NOTCH4: variants seen among roughly 807,000 people sequenced by gnomAD.
The protein encoded by NOTCH4 is neurogenic locus notch homolog protein 4.
Under a neutral mutation model 189.0 loss-of-function variants are expected in NOTCH4, and 138 were observed. The observed-to-expected ratio is 0.73, with a 90% CI of 0.64 to 0.84. The LOEUF (loss-of-function observed/expected upper bound fraction) is 0.84. NOTCH4 is among the 40% of genes least tolerant of loss of function. The pLI is 0.00. For synonymous variants in NOTCH4, 942 were observed against 1,032.8 expected, an observed-to-expected ratio of 0.91 and a Z score of 1.69; for missense variants, 2,286 against 2,605.4, an observed-to-expected ratio of 0.88 and a Z score of 2.67.
chr6:32,196,314 C>G lies in NOTCH4; in HGVS notation c.5298+10G>C. ...GACTGTTTTGTGGGAAGCCCTCTGT[C>G]CCATCTAACCCTGTTGTCCTGGGCA... is the stretch of plus-strand genomic sequence containing the variant. On this transcript the variant is annotated intron_variant, in intron 29 of 29. Transcript: ENST00000375023. The G allele has an allele frequency of 6.2e-7, 1 of 1,613,162 alleles. No homozygotes were observed. The highest frequency in any genetic ancestry group is 8.5e-7 in the Non-Finnish European group (1 of 1,180,044).
In NOTCH4 at chr6:32,212,490, C is replaced by T; in HGVS notation, c.2664G>A (p.Lys888=). 1.9e-6 allele frequency: 3 copies of T among 1,611,844 alleles called. No homozygotes were observed. The highest frequency in any genetic ancestry group is 2.5e-6 in the Non-Finnish European group (3 of 1,179,314). The change falls in exon 17 of 30, where the codon AAG becomes AAA. Residue 888 remains lysine (K), a synonymous_variant. Coordinates refer to ENST00000375023, the MANE Select transcript of NOTCH4 (RefSeq NM_004557.4). This position sits in a 1 kb window ranked among gnomAD's most constrained non-coding sequence, Gnocchi z 4.4. ...GTTGGTTACCTTGGCTCAGTGCAGC[C>T]TTCTGGCAGGAGGACAGTGGAAGGT... The part of the protein sequence containing the change: ...LCNLPLSSCQ[K]AALSQGIDVS...
intron 28 of NOTCH4, 71 bp downstream of exon 28, chr6:32,196,854 A>G (rs557501130): frequency 6.3e-7 from 1 of 1,576,324 alleles, no homozygotes; most frequent in African/African-American, 1.3e-5. Context: ...CTGCACCTAT[A>G]TTTTGCACGC....
In NOTCH4 at chr6:32,200,410, C is replaced by T. The variant is rs1438886682; in HGVS notation, c.4315+421G>A. On this transcript the variant is annotated intron_variant, in intron 23 of 29. Coordinates refer to ENST00000375023, the MANE Select transcript of NOTCH4 (RefSeq NM_004557.4). This position sits in a 1 kb window ranked among gnomAD's most constrained non-coding sequence, Gnocchi z 5.0. ...ATTTTTAGTAGAGACAGGGTTTCAC[C>T]GCATTAGCCAGGATGGTCTCAATCT... is the stretch of plus-strand genomic sequence containing the variant. Among the ~76,000 whole-genome samples, 2 of 152,060 alleles carry T rather than the reference C, an allele frequency of 1.3e-5. No homozygotes were observed. Among genetic ancestry groups the T allele is most frequent in the African/African-American group, 2.4e-5 (1 of 41,390 alleles).
chr6:32,195,241 A>G lies in NOTCH4; in HGVS notation c.*196T>C. On this transcript the variant is annotated 3_prime_UTR_variant, in exon 30 of 30. Transcript: ENST00000375023. This position sits in a 1 kb window ranked among gnomAD's most constrained non-coding sequence, Gnocchi z 5.4. ...AGGACTGGGCCTGCCTCATCCTAGC[A>G]TCTTAAACCCTCTTTCCAGAGCTGC... is the stretch of plus-strand genomic sequence containing the variant. 1 of 595,362 alleles carries G rather than the reference A, an allele frequency of 1.7e-6. No individual in the cohort carries two copies. Among genetic ancestry groups the G allele is most frequent in the Non-Finnish European group, 2.9e-6 (1 of 347,210 alleles). 36.9% of individuals were successfully genotyped at this position (595,362 alleles called of 1,614,324 possible). A position where few individuals can be genotyped will look rare whatever the true frequency, so the allele number is the denominator to read the frequency against.
chr6:32,212,547 CAAGCAG>C lies in NOTCH4; in HGVS notation c.2601_2606del (p.His867_Leu869delinsGln). ...GAGGCCCGGTCCATCCCTGGAGGCACAAGCAGTGGAAGGAGGGCCCAGTCTGGAGGC... is the reference window on the plus strand; with the variant it reads ...GAGGCCCGGTCCATCCCTGGAGGCACTGGAAGGAGGGCCCAGTCTGGAGGC... On this transcript the variant is annotated inframe_deletion, in exon 17 of 30. Coordinates refer to ENST00000375023, the MANE Select transcript of NOTCH4 (RefSeq NM_004557.4). The surrounding 1 kb of genome is among the most constrained non-coding windows in gnomAD (Gnocchi z 4.4). The C allele has an allele frequency of 6.2e-7, 1 of 1,613,122 alleles. No homozygotes were observed. Among genetic ancestry groups the C allele is most frequent in the Non-Finnish European group, 8.5e-7 (1 of 1,179,980 alleles).
intron 8 of NOTCH4, among the ~76,000 whole-genome samples, chr6:32,218,784 C>T (rs1194993201): frequency 3.9e-5 from 6 of 152,128 alleles, no homozygotes; most frequent in African/African-American, 1.4e-4. Context: ...TCTTTGGGTG[C>T]CGCTCAGTTT....
Position 32,199,828 on chromosome 6 carries a change from C to T in NOTCH4, c.4316-683G>A, listed in dbSNP as rs1356860449. ...CCCAGGAGGCAGAGGTTGCAGTGAG[C>T]TGAGATGGCGTCACTGTACTCCAGT... is the stretch of plus-strand genomic sequence containing the variant. On this transcript the variant is annotated intron_variant, in intron 23 of 29. Coordinates refer to ENST00000375023, the MANE Select transcript of NOTCH4 (RefSeq NM_004557.4). This position sits in a 1 kb window ranked among gnomAD's most constrained non-coding sequence, Gnocchi z 4.9. 6.6e-6 allele frequency among the ~76,000 whole-genome samples: 1 copy of T among 152,174 alleles called. No individual in the cohort carries two copies. The highest frequency in any genetic ancestry group is 1.5e-5 in the Non-Finnish European group (1 of 68,038).
At chr6:32,211,839 C>A (rs1789043140) in intron 17 of NOTCH4, among the ~76,000 whole-genome samples, 1 of 152,074 alleles carries the variant, frequency 6.6e-6, no homozygotes, top group Non-Finnish European at 1.5e-5. Context: ...TGGAGACATA[C>A]CCCTAAAGCT....
intron 12 of NOTCH4, 89 bp downstream of exon 12, chr6:32,215,137 C>G: frequency 8.1e-7 from 1 of 1,242,172 alleles, no homozygotes; most frequent in Non-Finnish European, 1.1e-6. Context: ...TCATTTCTCA[C>G]AGACCTACAT....
chr6:32,219,923 G>T, intron 7 of NOTCH4, 137 bp from the exon 8 acceptor site: 1 of 886,972 alleles, frequency 1.1e-6, no homozygotes, highest in Non-Finnish European at 1.7e-6. Flanking sequence ...TCTTTAAGAT[G>T]GAAAGGAAAT....
In NOTCH4 at chr6:32,220,897, A is replaced by C. The variant is rs1409648469; in HGVS notation, c.800-19T>G. 9.9e-6 allele frequency: 16 copies of C among 1,610,700 alleles called. No individual in the cohort carries two copies. The highest frequency in any genetic ancestry group is 1.3e-5 in the African/African-American group (1 of 74,920). ...ATGAAACCTGACAGGGTCATGGATC[A>C]GCTGTGGGAGGAGGCTCCAACGGAG... On this transcript the variant is annotated intron_variant, in intron 4 of 29. Coordinates refer to ENST00000375023, the MANE Select transcript of NOTCH4 (RefSeq NM_004557.4).
At chr6:32,203,508 C>G (rs1788482209) in intron 20 of NOTCH4, 1 of 501,806 alleles carries the variant, frequency 2.0e-6, no homozygotes, top group Admixed American at 3.8e-5. Flanking sequence ...AGGCCACCCA[C>G]CACGCAGCTT....
rs141837316 is a variant in NOTCH4 at position 32,210,986 on chromosome 6, C to T, written c.2681-50G>A. ...ATACAAAGATAAGTGGGGGGCCGGG[C>T]GCCATGGCTTACGCCTGTAATCCCA... On this transcript the variant is annotated intron_variant, in intron 17 of 29. Coordinates refer to ENST00000375023, the MANE Select transcript of NOTCH4 (RefSeq NM_004557.4). This position sits in a 1 kb window ranked among gnomAD's most constrained non-coding sequence, Gnocchi z 4.8. The T allele has an allele frequency of 7.6e-4, 1,142 of 1,510,006 alleles. 9 individuals carry two copies. In the African/African-American group the frequency reaches 0.013, roughly 17 times the overall value. The allele number at this position is 1,510,006 out of a possible 1,614,324, so 93.5% of individuals were successfully genotyped here.
Position 32,201,600 on chromosome 6 carries a change from G to A in NOTCH4, c.3756-100C>T. The A allele has an allele frequency of 8.1e-7, 1 of 1,238,026 alleles. No homozygotes were observed. Among genetic ancestry groups the A allele is most frequent in the Non-Finnish European group, 1.1e-6 (1 of 939,248 alleles). 76.7% of individuals were successfully genotyped at this position (1,238,026 alleles called of 1,614,324 possible). A position where few individuals can be genotyped will look rare whatever the true frequency, so the allele number is the denominator to read the frequency against. On this transcript the variant is annotated intron_variant, in intron 21 of 29. Transcript: ENST00000375023. This position sits in a 1 kb window ranked among gnomAD's most constrained non-coding sequence, Gnocchi z 5.5. ...CATATTTTGTGCCCTCTAGGGCTTT[G>A]GTTGCTAAGTGGGGGCAGCTGTGGA... is the stretch of plus-strand genomic sequence containing the variant.
Position 32,207,345 on chromosome 6 carries a change from C to G in NOTCH4, c.2866-2956G>C, listed in dbSNP as rs189988479. ...TATGCAGAAGAAACTAAACCTAGGC[C>G]GGGCGGGGTGGCTCACGCCTGTAAT... is the stretch of plus-strand genomic sequence containing the variant. On this transcript the variant is annotated intron_variant, in intron 18 of 29. Transcript: ENST00000375023. Among the ~76,000 whole-genome samples, 446 of 149,182 alleles carry G rather than the reference C, an allele frequency of 3.0e-3. 2 individuals carry two copies. Among genetic ancestry groups the G allele is most frequent in the African/African-American group, 0.01 (410 of 40,790 alleles).
intron 18 of NOTCH4, 32 bp from the exon 19 acceptor site, chr6:32,204,421 G>C: frequency 6.2e-7 from 1 of 1,605,074 alleles, no homozygotes; most frequent in Non-Finnish European, 8.5e-7. Context: ...CAGGGAACCA[G>C]TGGATGAGCC....
At position 32,198,971 on chromosome 6, in the gene NOTCH4, G is replaced by A; in HGVS notation, c.4490C>T (p.Pro1497Leu). Residue 1497 changes from proline to leucine, a missense_variant, in exon 24 of 30, where the codon CCC becomes CTC. Pro to Leu is a moderately conservative substitution (Grantham distance 98, BLOSUM62 -3). Transcript: ENST00000375023. The surrounding 1 kb of genome is among the most constrained non-coding windows in gnomAD (Gnocchi z 5.5). ...GCCTAGTGGGGGCCGGCGTCGGTGG[G>A]GAGCTGACTGAGTCCGAGGCCGTCG... ...FTRRPRTQSAPHRRRPPLGED... is the reference protein window; with the variant it reads ...FTRRPRTQSALHRRRPPLGED... The A allele has an allele frequency of 1.9e-6, 3 of 1,606,884 alleles. No homozygotes were observed. The highest frequency in any genetic ancestry group is 2.6e-6 in the Non-Finnish European group (3 of 1,176,266).
chr6:32,213,296 C>A, intron 14 of NOTCH4, 44 bp from the exon 15 acceptor site: 1 of 1,402,892 alleles, frequency 7.1e-7, no homozygotes, highest in Non-Finnish European at 1.0e-6. Flanking sequence ...TTGCCTGTAA[C>A]CTGGCCTGTG....
At position 32,213,230 on chromosome 6, in the gene NOTCH4, G is replaced by C. The variant is rs3131288; in HGVS notation, c.2343C>G (p.Thr781=). The change falls in exon 15 of 30, where the codon ACC becomes ACG. Residue 781 remains threonine, a synonymous_variant. Transcript: ENST00000375023. Reference sequence around the variant, plus strand: ...AGAAGGTGCCAGGCCTGTTCACACAGGTACCCCCATTGAAGCACGGGGCTG... The same window carrying C: ...AGAAGGTGCCAGGCCTGTTCACACACGTACCCCCATTGAAGCACGGGGCTG... ...CVSAPCFNGG[T]CVNRPGTFSC... is the part of the protein sequence containing the mutation. 8 of 1,613,676 alleles carry C rather than the reference G, an allele frequency of 5.0e-6. No individual in the cohort carries two copies. In the African/African-American group the frequency reaches 1.1e-4, roughly 22 times the overall value.
Sources: gnomAD v4.1 joint callset for allele counts (sites outside exome capture counted in the v4.1 genomes callset) on GRCh38, gnomAD v4.1.1 for gene constraint, Gnocchi (gnomAD v3.1) non-coding constraint, MANE v1.5 for transcripts, NCBI Gene and HGNC (gene_info 2026-07-23, HGNC 2026-07-21) for gene names.